PLEKHG1: variants seen among roughly 807,000 people sequenced by gnomAD.
The protein encoded by PLEKHG1 is pleckstrin homology and RhoGEF domain containing G1.
A neutral mutation model predicts 100.8 loss-of-function variants in PLEKHG1; 44 were observed. The ratio of observed to expected loss-of-function variants is 0.44; its 90% confidence interval spans 0.34 to 0.56. PLEKHG1 has a LOEUF of 0.56. Among genes scored for constraint, PLEKHG1 ranks in the 20% least tolerant of loss-of-function variants. PLEKHG1 has a pLI of 0.01. For synonymous variants in PLEKHG1, 640 were observed against 662.5 expected, an observed-to-expected ratio of 0.97 and a Z score of 0.52; for missense variants, 1,545 against 1,720.9, an observed-to-expected ratio of 0.90 and a Z score of 1.81.
intron 3 of PLEKHG1, chr6:150,652,096 T>C (rs1778769018): frequency 6.6e-6 from 1 of 152,230 alleles, no homozygotes. Flanking sequence ...AGAAAAGTTC[T>C]GTGGTATTTT....
chr6:150,679,083 G>C (rs1208385305), intron 3 of PLEKHG1, among the ~76,000 whole-genome samples: 1 of 152,180 alleles, frequency 6.6e-6, no homozygotes, highest in East Asian at 1.9e-4. Flanking sequence ...AATTGTGTGT[G>C]TGAGTGAAAG....
intron 3 of PLEKHG1, among the ~76,000 whole-genome samples, chr6:150,716,025 G>A (rs1250115266): frequency 3.4e-5 from 5 of 148,864 alleles, no homozygotes; most frequent in Admixed American, 1.3e-4. Context: ...GGAGAATGGC[G>A]TGAACCCGGG....
chr6:150,755,248 CTAT>C (rs1783767568), intron 2 of PLEKHG1, among the ~76,000 whole-genome samples: 1 of 149,400 alleles, frequency 6.7e-6, no homozygotes, highest in South Asian at 2.1e-4. Context: ...AGTGCTAGGA[CTAT>C]AGGCATGAGC....
At chr6:150,707,357 G>A (rs1781064564) in intron 3 of PLEKHG1, among the ~76,000 whole-genome samples, 1 of 152,098 alleles carries the variant, frequency 6.6e-6, no homozygotes, top group Non-Finnish European at 1.5e-5. Context: ...GTTCTTATCA[G>A]ATCATATAGT....
intron 7 of PLEKHG1, among the ~76,000 whole-genome samples, chr6:150,807,576 C>T (rs1450032671): frequency 6.6e-6 from 1 of 152,152 alleles, no homozygotes; most frequent in African/African-American, 2.4e-5. Flanking sequence ...ACATAAATGT[C>T]AAAGTCATGT....
intron 13 of PLEKHG1, among the ~76,000 whole-genome samples, chr6:150,821,579 G>A (rs564380697): frequency 1.3e-5 from 2 of 151,954 alleles, no homozygotes; most frequent in African/African-American, 2.4e-5. Context: ...AGCTACTTGG[G>A]AGGCTGAAGC....
intron 3 of PLEKHG1, among the ~76,000 whole-genome samples, chr6:150,781,511 AAAAAG>A (rs1339875140): frequency 2.6e-5 from 4 of 151,998 alleles, no homozygotes; most frequent in East Asian, 2.0e-4. Context: ...TCTCCAAAAA[AAAAAG>A]AAAAGAAAAG....
intron 1 of PLEKHG1, among the ~76,000 whole-genome samples, chr6:150,726,252 T>C (rs1013833104): frequency 6.6e-6 from 1 of 152,106 alleles, no homozygotes; most frequent in African/African-American, 2.4e-5. Flanking sequence ...GCTAAGGAGG[T>C]AGATCTTAAG....
At chr6:150,782,604 C>G (rs899839655) in intron 3 of PLEKHG1, among the ~76,000 whole-genome samples, 8 of 152,078 alleles carry the variant, frequency 5.3e-5, no homozygotes, top group African/African-American at 1.9e-4. Flanking sequence ...GGATTTTTTT[C>G]CTATATACTT....
upstream of PLEKHG1, among the ~76,000 whole-genome samples, chr6:150,719,387 G>T (rs1379379783): frequency 2.0e-5 from 3 of 152,152 alleles, no homozygotes; most frequent in Non-Finnish European, 2.9e-5. Context: ...TGAGTCATTA[G>T]GAAGCCTAGA....
At chr6:150,628,762 G>T (rs1430618044) in intron 1 of PLEKHG1, among the ~76,000 whole-genome samples, 2 of 152,152 alleles carry the variant, frequency 1.3e-5, no homozygotes, top group Non-Finnish European at 2.9e-5. Context: ...AGTATTCATT[G>T]TACTATCCTG....
At chr6:150,764,221 G>A (rs1327900873) in intron 2 of PLEKHG1, among the ~76,000 whole-genome samples, 5 of 151,138 alleles carry the variant, frequency 3.3e-5, no homozygotes, top group East Asian at 2.0e-4. Flanking sequence ...GGGTTCAAGC[G>A]ATTCTCCTGC....
chr6:150,611,491 CTTACTT>C (rs550018767), intron 1 of PLEKHG1, among the ~76,000 whole-genome samples: 342 of 152,314 alleles, frequency 2.2e-3, no homozygotes, highest in African/African-American at 7.5e-3. Flanking sequence ...ATTCTGATGG[CTTACTT>C]TTAGTTGCCG....
At chr6:150,649,238 A>G (rs1035286769) in intron 2 of PLEKHG1, among the ~76,000 whole-genome samples, 11 of 152,268 alleles carry the variant, frequency 7.2e-5, no homozygotes, top group South Asian at 2.1e-4. Flanking sequence ...CCCATTTTTG[A>G]TCATATGAGC....
chr6:150,747,384 G>A (rs937323821), intron 2 of PLEKHG1, among the ~76,000 whole-genome samples: 26 of 152,152 alleles, frequency 1.7e-4, no homozygotes, highest in African/African-American at 6.3e-4. Context: ...TCTGTAACAC[G>A]TAGAACAGGA....
At chr6:150,721,135 T>C (rs9478791) in exon 1 of PLEKHG1, 85,007 of 984,348 alleles carry the variant, frequency 0.086, 3,804 homozygotes, top group Admixed American at 0.15. Flanking sequence ...GCTGTTTCTT[T>C]TACCTGACTG....
intron 2 of PLEKHG1, among the ~76,000 whole-genome samples, chr6:150,643,056 G>A (rs140742431): frequency 0.011 from 1,660 of 152,204 alleles, 36 homozygotes; most frequent in African/African-American, 0.037. Context: ...TTTATTAAGA[G>A]GCCGTCTTTG....
intron 3 of PLEKHG1, among the ~76,000 whole-genome samples, chr6:150,714,030 A>G (rs1351480228): frequency 6.6e-6 from 1 of 152,222 alleles, no homozygotes; most frequent in Non-Finnish European, 1.5e-5. Context: ...TTCTTCCAGT[A>G]CATTTTTTAG....
chr6:150,832,646 A>T (rs809734), intron 15 of PLEKHG1, among the ~76,000 whole-genome samples: 2 of 149,912 alleles, frequency 1.3e-5, no homozygotes, highest in African/African-American at 4.9e-5. Context: ...AAAAATGCCA[A>T]CTCGTGCTAA....
Sources: allele counts gnomAD v4.1 joint callset (sites outside exome capture counted in the v4.1 genomes callset), GRCh38; gene constraint gnomAD v4.1.1; transcripts MANE v1.5; gene names NCBI Gene and HGNC (gene_info 2026-07-23, HGNC 2026-07-21).